Variants in KIRREL3 observed in about 807,000 individuals in gnomAD.
The protein encoded by KIRREL3 is kin of IRRE-like protein 3.
In KIRREL3, 36 loss-of-function variants were observed where a neutral mutation model predicts 89.7. That is an observed-to-expected ratio of 0.40 (90% confidence interval 0.31 to 0.53). KIRREL3 has a LOEUF of 0.53. Ranked by LOEUF, KIRREL3 falls within the 20% of genes least tolerant of loss-of-function variation. KIRREL3 has a pLI of 0.49. For synonymous variants in KIRREL3, 445 were observed against 441.4 expected (o/e 1.01, Z -0.10); for missense variants, 864 against 1,056.6 (o/e 0.82, Z 2.53).
chr11:126,657,820 CT>C (rs1368664090), intron 1 of KIRREL3, among the ~76,000 whole-genome samples: 1 of 152,186 alleles, frequency 6.6e-6, no homozygotes, highest in Non-Finnish European at 1.5e-5. Flanking sequence ...GCTTTTTCCC[CT>C]TTTGCTTCCC....
chr11:126,907,773 C>G (rs1416134369), intron 1 of KIRREL3, among the ~76,000 whole-genome samples: 1 of 152,060 alleles, frequency 6.6e-6, no homozygotes, highest in Non-Finnish European at 1.5e-5. Flanking sequence ...CCCTGCTGCC[C>G]TGCAACCTCA....
intron 5 of KIRREL3, among the ~76,000 whole-genome samples, chr11:126,469,324 G>T (rs1320884975): frequency 6.6e-6 from 1 of 152,366 alleles, no homozygotes; most frequent in African/African-American, 2.4e-5. Context: ...GCCTGATTTT[G>T]TGTGTGCTCC....
rs546076833 is a variant in KIRREL3 at position 126,692,141 on chromosome 11, C to T, written c.56-129229G>A. Among the ~76,000 whole-genome samples, 12 of 152,222 alleles carry T rather than the reference C, an allele frequency of 7.9e-5. No individual in the cohort carries two copies. The South Asian group carries it at 2.3e-3, about 29-fold the overall frequency. On this transcript the variant is annotated intron_variant, in intron 1 of 16. Coordinates refer to ENST00000525144, the MANE Select transcript of KIRREL3 (RefSeq NM_032531.4). ...CCTTAAAAAATTAAAAATAGGACCA[C>T]CATCTGATGCAGCAGTTCCACTTCT...
rs868173872 is a variant in KIRREL3, at chr11:126,458,528, C to T, written c.743-2074G>A. Reference sequence around the variant, plus strand: ...GCTGGTGCCCAAGAGGACCCTGCCTCCCTGCCTAGTGCCAGGCACGGGAGC... The same window carrying T: ...GCTGGTGCCCAAGAGGACCCTGCCTTCCTGCCTAGTGCCAGGCACGGGAGC... On this transcript the variant is annotated intron_variant, in intron 6 of 16. Transcript: ENST00000525144. Among the ~76,000 whole-genome samples, 23 of 152,186 alleles carry T rather than the reference C, an allele frequency of 1.5e-4. No homozygotes were observed. In the South Asian group the frequency reaches 1.9e-3, roughly 12 times the overall value.
rs558423470 is a variant in KIRREL3, at chr11:126,847,627, CTAAACTAATAG to C, written c.55+152817_55+152827del. Among the ~76,000 whole-genome samples, 387 of 152,166 alleles carry C rather than the reference CTAAACTAATAG, an allele frequency of 2.5e-3. 2 individuals are homozygous for C. The highest frequency in any genetic ancestry group is 0.024 in the South Asian group (115 of 4,806). On this transcript the variant is annotated intron_variant, in intron 1 of 16. Coordinates refer to ENST00000525144, the MANE Select transcript of KIRREL3 (RefSeq NM_032531.4). ...GCAGAATAGGAGTTAACTGCATGGA[CTAAACTAATAG>C]TAAACTAATAGAAGTCTGAAGTAAT...
intron 1 of KIRREL3, among the ~76,000 whole-genome samples, chr11:126,787,216 A>T (rs796971681): frequency 5.9e-5 from 9 of 152,204 alleles, no homozygotes; most frequent in African/African-American, 1.7e-4. Flanking sequence ...CCCCACACAG[A>T]TGTATTTTCT....
At position 126,498,702 on chromosome 11, in the gene KIRREL3, G is replaced by A. The variant is rs1453705969; in HGVS notation, c.433+22613C>T. On this transcript the variant is annotated intron_variant, in intron 4 of 16. Transcript: ENST00000525144. This position sits in a 1 kb window ranked among gnomAD's most constrained non-coding sequence, Gnocchi z 4.3. ...TGATGAGAGGAATGGTGTGTCCATG[G>A]GGACAGAGCTGGCCTGGCGTCCCAG... Among the ~76,000 whole-genome samples the A allele has an allele frequency of 6.6e-6, 1 of 152,180 alleles. No individual in the cohort carries two copies. The highest frequency in any genetic ancestry group is 2.4e-5 in the African/African-American group (1 of 41,448).
chr11:126,868,699 C>G (rs2134656448), intron 1 of KIRREL3, among the ~76,000 whole-genome samples: 1 of 152,260 alleles, frequency 6.6e-6, no homozygotes, highest in South Asian at 2.1e-4. Flanking sequence ...AGTGCCCTTT[C>G]TTATCCTCTC....
chr11:126,887,334 T>C (rs1433229764), intron 1 of KIRREL3, among the ~76,000 whole-genome samples: 2 of 152,164 alleles, frequency 1.3e-5, no homozygotes, highest in East Asian at 1.9e-4. Context: ...GTCTTGTCAG[T>C]GGAACGGAGG....
In KIRREL3 at chr11:126,652,707, C is replaced by T. The variant is rs1944953273; in HGVS notation, c.56-89795G>A. On this transcript the variant is annotated intron_variant, in intron 1 of 16. Transcript: ENST00000525144. The surrounding 1 kb of genome is among the most constrained non-coding windows in gnomAD (Gnocchi z 4.9). ...ATCAATGCTGTCATTACAACCCCATCACCTACCCTTACCCTTACCACACCA... is the reference window on the plus strand; with the variant it reads ...ATCAATGCTGTCATTACAACCCCATTACCTACCCTTACCCTTACCACACCA... 6.6e-6 allele frequency: 1 copy of T among 152,206 alleles called. No homozygotes were observed. The highest frequency in any genetic ancestry group is 2.4e-5 in the African/African-American group (1 of 41,438). The allele number at this position is 152,206 out of a possible 1,614,324, so 9.4% of individuals were successfully genotyped here. A position where few individuals can be genotyped will look rare whatever the true frequency, so the allele number is the denominator to read the frequency against.
Position 127,000,548 on chromosome 11 carries a change from G to A in KIRREL3, c.-39C>T, listed in dbSNP as rs751804665. ...GAAGGAAAGCCGGCGGGGTAACTTG[G>A]CTGTGGTTAGTTTCTCTTCCTTGGC... On this transcript the variant is annotated 5_prime_UTR_variant, in exon 1 of 17. Transcript: ENST00000525144. This position sits in a 1 kb window ranked among gnomAD's most constrained non-coding sequence, Gnocchi z 7.1. 6.3e-7 allele frequency: 1 copy of A among 1,579,542 alleles called. No individual in the cohort carries two copies. The highest frequency in any genetic ancestry group is 8.6e-7 in the Non-Finnish European group (1 of 1,162,956).
intron 4 of KIRREL3, among the ~76,000 whole-genome samples, chr11:126,512,025 G>A (rs760016858): frequency 3.3e-5 from 5 of 152,162 alleles, no homozygotes; most frequent in Admixed American, 6.5e-5. Flanking sequence ...AAACACACAC[G>A]TGGGACTGGC....
chr11:126,554,943 C>T (rs73634671), intron 2 of KIRREL3, among the ~76,000 whole-genome samples: 6,053 of 152,210 alleles, frequency 0.04, 300 homozygotes, highest in African/African-American at 0.12. Context: ...TATGGATAGA[C>T]GAGGCTAACT....
At chr11:126,453,502 G>A (rs1956248728) in intron 7 of KIRREL3, among the ~76,000 whole-genome samples, 1 of 152,272 alleles carries the variant, frequency 6.6e-6, no homozygotes, top group African/African-American at 2.4e-5. Flanking sequence ...AAAGTTTCCT[G>A]TAATCTTGTC....
intron 1 of KIRREL3, chr11:126,936,784 G>A (rs558545308): frequency 1.3e-5 from 2 of 152,330 alleles, no homozygotes; most frequent in South Asian, 4.1e-4. Flanking sequence ...AAATGGGCAT[G>A]AGGGATCACT....
rs764510902 is a variant in KIRREL3, at chr11:126,766,656, G to A, written c.56-203744C>T. ...TTCCTCAAATGGGGAGTGTACACACGGAAGTTCTTTTCTGGGGCTTTGATA... is the reference window on the plus strand; with the variant it reads ...TTCCTCAAATGGGGAGTGTACACACAGAAGTTCTTTTCTGGGGCTTTGATA... On this transcript the variant is annotated intron_variant, in intron 1 of 16. Transcript: ENST00000525144. The surrounding 1 kb of genome is among the most constrained non-coding windows in gnomAD (Gnocchi z 4.2). Among the ~76,000 whole-genome samples, 1 of 152,108 alleles carries A rather than the reference G, an allele frequency of 6.6e-6. No individual in the cohort carries two copies. Among genetic ancestry groups the A allele is most frequent in the Non-Finnish European group, 1.5e-5 (1 of 68,036 alleles).
intron 1 of KIRREL3, among the ~76,000 whole-genome samples, chr11:126,717,342 A>G (rs994553943): frequency 1.3e-5 from 2 of 151,606 alleles, no homozygotes; most frequent in African/African-American, 4.9e-5. Flanking sequence ...ATTATAGTTT[A>G]TAAACTCAAG....
In KIRREL3 at chr11:126,541,246, T is replaced by C. The variant is rs969673552; in HGVS notation, c.134-14559A>G. Among the ~76,000 whole-genome samples the C allele has an allele frequency of 2.0e-5, 3 of 152,192 alleles. No homozygotes were observed. Among genetic ancestry groups the C allele is most frequent in the Non-Finnish European group, 2.9e-5 (2 of 68,028 alleles). On this transcript the variant is annotated intron_variant, in intron 2 of 16. Transcript: ENST00000525144. This position sits in a 1 kb window ranked among gnomAD's most constrained non-coding sequence, Gnocchi z 4.8. The stretch of plus-strand genomic sequence containing the variant: ...TTGTCCTGGGCCCAGAAGGTACCAG[T>C]TGATGCTGCCTCTGCCACCTCTTAG...
chr11:126,795,175 A>T lies in KIRREL3; in HGVS notation c.55+205280T>A, dbSNP rs796407301. On this transcript the variant is annotated intron_variant, in intron 1 of 16. Coordinates refer to ENST00000525144, the MANE Select transcript of KIRREL3 (RefSeq NM_032531.4). The surrounding 1 kb of genome is among the most constrained non-coding windows in gnomAD (Gnocchi z 4.1). ...TGTAATGGTGGATACATGTCATCACACATTTGGCCAAGCCCATAGAGTGTA... is the reference window on the plus strand; with the variant it reads ...TGTAATGGTGGATACATGTCATCACTCATTTGGCCAAGCCCATAGAGTGTA... Among the ~76,000 whole-genome samples, 9 of 152,322 alleles carry T rather than the reference A, an allele frequency of 5.9e-5. No homozygotes were observed. Among genetic ancestry groups the T allele is most frequent in the African/African-American group, 1.7e-4 (7 of 41,576 alleles).
Sources: allele counts gnomAD v4.1 joint callset (sites outside exome capture counted in the v4.1 genomes callset), GRCh38; gene constraint gnomAD v4.1.1; non-coding constraint Gnocchi (gnomAD v3.1); transcripts MANE v1.5; gene names NCBI Gene and HGNC (gene_info 2026-07-23, HGNC 2026-07-21).